Variants in ANK3 observed in about 807,000 individuals in gnomAD.
The protein encoded by ANK3 is ankyrin 3, also known as ankyrin-3.
A neutral mutation model predicts 370.9 loss-of-function variants in ANK3; 57 were observed. The ratio of observed to expected loss-of-function variants is 0.15; its 90% CI spans 0.12 to 0.19. The LOEUF is 0.19. ANK3 is among the 10% of genes least tolerant of loss of function. The pLI is 1.00. For missense variants in ANK3, 4,439 were observed against 5,302.1 expected, an observed-to-expected ratio of 0.84 and a Z score of 5.06; for synonymous variants, 1,929 against 1,946.3, an observed-to-expected ratio of 0.99 and a Z score of 0.23.
intron 1 of ANK3, among the ~76,000 whole-genome samples, chr10:60,322,495 C>CAA (rs569116866): frequency 6.9e-6 from 1 of 144,684 alleles, no homozygotes; most frequent in African/African-American, 2.5e-5. Flanking sequence ...AATATATTGT[C>CAA]AAAAAAAAAA....
intron 2 of ANK3, among the ~76,000 whole-genome samples, chr10:60,458,996 G>C (rs1420789363): frequency 6.6e-6 from 1 of 152,064 alleles, no homozygotes; most frequent in African/African-American, 2.4e-5. Flanking sequence ...TAAAATATGG[G>C]AGAGTTTTTT....
intron 1 of ANK3, among the ~76,000 whole-genome samples, chr10:60,350,966 A>G (rs2056742709): frequency 6.6e-6 from 1 of 152,184 alleles, no homozygotes; most frequent in Non-Finnish European, 1.5e-5. Context: ...TCATAGAGAA[A>G]AAAAAAAATC....
At chr10:60,469,065 GTATATATATA>G (rs36231232) in intron 2 of ANK3, among the ~76,000 whole-genome samples, 953 of 24,288 alleles carry the variant, frequency 0.039, 188 homozygotes, top group Middle Eastern at 0.1. Flanking sequence ...ACCACTTTTA[GTATATATATA>G]TATATATATA....
chr10:60,679,515 C>T (rs2079167112), intron 1 of ANK3, among the ~76,000 whole-genome samples: 1 of 152,074 alleles, frequency 6.6e-6, no homozygotes, highest in Non-Finnish European at 1.5e-5. Flanking sequence ...GGCAGTTTAA[C>T]CAGTATATGA....
chr10:60,208,883 T>G (rs536716388), intron 9 of ANK3, among the ~76,000 whole-genome samples: 1 of 152,180 alleles, frequency 6.6e-6, no homozygotes, highest in African/African-American at 2.4e-5. Flanking sequence ...CATGTGTCTA[T>G]GATGAGGAAA....
chr10:60,055,978 C>T lies in ANK3; in HGVS notation c.12745G>A (p.Glu4249Lys). The T allele has an allele frequency of 1.2e-6, 2 of 1,613,880 alleles. No homozygotes were observed. The highest frequency in any genetic ancestry group is 2.2e-5 in the East Asian group (1 of 44,880). The change falls in exon 42 of 44, where the codon GAA becomes AAA. Residue 4249 changes from glutamate (E) to lysine (K), a missense_variant. By Grantham distance (56) the Glu-to-Lys change is moderately conservative. This residue lies in a region of ANK3 where 242 missense variants were observed against 228.0 expected (regional missense o/e 1.06). Coordinates refer to ENST00000280772, the MANE Select transcript of ANK3 (RefSeq NM_020987.5). ...ATTTCTGTATGGCTTCCATTTGCTT[C>T]AAATTTGCCAGCTTCTCCTTTGAGA... ...SYLKGEAGKF[E>K]ANGSHTEITP...
At chr10:60,501,473 G>C (rs545268397) in intron 2 of ANK3, among the ~76,000 whole-genome samples, 4 of 152,264 alleles carry the variant, frequency 2.6e-5, no homozygotes, top group South Asian at 4.1e-4. Flanking sequence ...AGGAGGCCGA[G>C]GCAGGCAGAT....
Position 60,069,972 on chromosome 10 carries a change from G to A in ANK3, c.10909C>T (p.His3637Tyr). 6.2e-7 allele frequency: 1 copy of A among 1,613,988 alleles called. No individual in the cohort carries two copies. Among genetic ancestry groups the A allele is most frequent in the African/African-American group, 1.3e-5 (1 of 74,972 alleles). ...ERLQFFQIGE[H>Y]TSEGKSGDQG... ...TCCCCTGACTTCCCTTCAGAAGTATGCTCACCAATCTGGAAAAATTGGAGC... is the reference window on the plus strand; with the variant it reads ...TCCCCTGACTTCCCTTCAGAAGTATACTCACCAATCTGGAAAAATTGGAGC... The change falls in exon 37 of 44, where the codon CAT becomes TAT. Residue 3637 changes from histidine to tyrosine, a missense_variant. By Grantham distance (83) the His-to-Tyr change is moderately conservative (BLOSUM62 2). Coordinates refer to ENST00000280772, the MANE Select transcript of ANK3 (RefSeq NM_020987.5).
chr10:60,052,827 G>A (rs2131901435), intron 42 of ANK3, among the ~76,000 whole-genome samples: 1 of 146,084 alleles, frequency 6.8e-6, no homozygotes, highest in African/African-American at 2.5e-5. Flanking sequence ...ATGAATTCCA[G>A]TATTTGTTTA....
At chr10:60,254,813 G>A (rs935497459) in intron 7 of ANK3, among the ~76,000 whole-genome samples, 11 of 152,226 alleles carry the variant, frequency 7.2e-5, no homozygotes, top group Admixed American at 1.3e-4. Context: ...AATTTTGATA[G>A]GCTAGGGAGA....
intron 43 of ANK3, among the ~76,000 whole-genome samples, chr10:60,036,047 C>T (rs899841049): frequency 1.3e-5 from 2 of 152,178 alleles, no homozygotes; most frequent in Admixed American, 1.3e-4. Flanking sequence ...CTGTCATTAA[C>T]TGCACTCAGC....
intron 1 of ANK3, among the ~76,000 whole-genome samples, chr10:60,330,438 A>T (rs2050954992): frequency 6.6e-6 from 1 of 152,226 alleles, no homozygotes. Flanking sequence ...ACTTACAAGA[A>T]AATAAATCAA....
At chr10:60,217,281 A>G (rs182883973) in intron 8 of ANK3, among the ~76,000 whole-genome samples, 1 of 151,084 alleles carries the variant, frequency 6.6e-6, no homozygotes, top group African/African-American at 2.4e-5. Flanking sequence ...TCTCTTAGTT[A>G]TTTCTTGTCT....
chr10:60,050,934 T>C (rs1039592725), intron 42 of ANK3, among the ~76,000 whole-genome samples: 4 of 152,008 alleles, frequency 2.6e-5, no homozygotes, highest in African/African-American at 9.7e-5. Flanking sequence ...TTTACTTGAC[T>C]TGCATTGTGT....
intron 8 of ANK3, among the ~76,000 whole-genome samples, chr10:60,230,091 T>G (rs112436570): frequency 0.015 from 2,230 of 152,250 alleles, 51 homozygotes; most frequent in African/African-American, 0.049. Context: ...CTTTTATTAT[T>G]AGATGGAGAG....
intron 5 of ANK3, among the ~76,000 whole-genome samples, chr10:60,269,471 C>G (rs990493311): frequency 6.6e-6 from 1 of 152,094 alleles, no homozygotes; most frequent in African/African-American, 2.4e-5. Context: ...TGGTGAAACC[C>G]TGTCTCTACT....
chr10:60,372,161 T>C (rs967765107), intron 1 of ANK3, among the ~76,000 whole-genome samples: 2 of 152,104 alleles, frequency 1.3e-5, no homozygotes, highest in African/African-American at 2.4e-5. Context: ...AACTAAAAGT[T>C]AAAGAGGAAG....
At position 60,157,886 on chromosome 10, in the gene ANK3, A is replaced by AGAGAG. The variant is rs2095385353; in HGVS notation, c.2614+8704_2614+8705insCTCTC. On this transcript the variant is annotated intron_variant, in intron 23 of 43. Transcript: ENST00000280772. ...GGAGAGACAGAGAGAGAGAGAGAAA[A>AGAGAG]AGAGAGAGAGAGAGAGAGAGAGAGA... Among the ~76,000 whole-genome samples, 6 of 132,862 alleles carry AGAGAG rather than the reference A, an allele frequency of 4.5e-5. No individual in the cohort carries two copies. In the East Asian group the frequency reaches 7.3e-4, roughly 16 times the overall value. 87.2% of individuals were successfully genotyped at this position (132,862 alleles called of 152,430 possible). A position where few individuals can be genotyped will look rare whatever the true frequency, so the allele number is the denominator to read the frequency against.
intron 8 of ANK3, among the ~76,000 whole-genome samples, chr10:60,215,940 G>A (rs2096929928): frequency 6.6e-6 from 1 of 152,182 alleles, no homozygotes; most frequent in African/African-American, 2.4e-5. Context: ...ATTTTGGGCA[G>A]TATGGCCATT....
Sources: allele counts gnomAD v4.1 joint callset (sites outside exome capture counted in the v4.1 genomes callset), GRCh38; gene constraint gnomAD v4.1.1; regional missense constraint gnomAD v4.1.1; transcripts MANE v1.5; gene names NCBI Gene and HGNC (gene_info 2026-07-23, HGNC 2026-07-21).